Variants in FRYL observed in about 807,000 individuals in gnomAD.
The protein encoded by FRYL is FRY like transcription coactivator.
A neutral mutation model predicts 351.2 loss-of-function variants in FRYL; 150 were observed. That is an observed-to-expected ratio of 0.43 (90% CI 0.37 to 0.49). The LOEUF is 0.49. Among genes scored for constraint, FRYL ranks in the 20% least tolerant of loss-of-function variants. FRYL has a pLI of 0.00. For synonymous variants in FRYL, 1,153 were observed against 1,257.1 expected (o/e 0.92, Z 1.75); for missense variants, 3,036 against 3,619.3 (o/e 0.84, Z 4.13).
intron 1 of FRYL, among the ~76,000 whole-genome samples, chr4:48,768,424 T>C (rs1775177551): frequency 6.6e-6 from 1 of 152,208 alleles, no homozygotes; most frequent in South Asian, 2.1e-4. Flanking sequence ...AGTGATTATT[T>C]TGTAAAACAT....
chr4:48,607,566 A>G (rs928618513), intron 9 of FRYL, among the ~76,000 whole-genome samples: 1 of 152,110 alleles, frequency 6.6e-6, no homozygotes, highest in Non-Finnish European at 1.5e-5. Flanking sequence ...GTCACTACAA[A>G]CCAAGAAAAT....
intron 49 of FRYL, 144 bp downstream of exon 49, chr4:48,534,401 T>C (rs982050323): frequency 4.5e-6 from 3 of 659,370 alleles, no homozygotes; most frequent in Non-Finnish European, 7.8e-6. Flanking sequence ...TTGAGAACAT[T>C]TTCCATACTG....
At chr4:48,719,719 G>A (rs1230833653) in intron 1 of FRYL, among the ~76,000 whole-genome samples, 4 of 151,544 alleles carry the variant, frequency 2.6e-5, no homozygotes, top group Non-Finnish European at 5.9e-5. Context: ...TTCATTTTGT[G>A]GGACTCTCAC....
chr4:48,687,495 G>T (rs1266641499), intron 2 of FRYL, among the ~76,000 whole-genome samples: 2 of 11,926 alleles, frequency 1.7e-4, no homozygotes, highest in African/African-American at 3.5e-4. Flanking sequence ...ATGAGGTCGG[G>T]GGGGGGGGGG....
chr4:48,668,640 C>T (rs1243863588), intron 3 of FRYL, among the ~76,000 whole-genome samples: 2 of 152,194 alleles, frequency 1.3e-5, no homozygotes, highest in Non-Finnish European at 2.9e-5. Context: ...GGGGTACCCA[C>T]AAAAGTCAGA....
intron 50 of FRYL, among the ~76,000 whole-genome samples, chr4:48,530,661 G>A (rs908056448): frequency 6.6e-6 from 1 of 152,024 alleles, no homozygotes; most frequent in African/African-American, 2.4e-5. Flanking sequence ...GGTACTAGTT[G>A]GAAGTGTCTG....
At chr4:48,629,369 G>A (rs1253393475) in intron 4 of FRYL, among the ~76,000 whole-genome samples, 1 of 152,152 alleles carries the variant, frequency 6.6e-6, no homozygotes, top group Admixed American at 6.5e-5. Context: ...TGGGAGAGGA[G>A]GTGAAAAGCA....
Position 48,547,223 on chromosome 4 carries a change from A to C in FRYL, c.5074+361T>G, listed in dbSNP as rs551859586. On this transcript the variant is annotated intron_variant, in intron 41 of 63. Transcript: ENST00000358350. ...GTAAATATAATCACGAGAATAACAA[A>C]ATTTAAAATGCCTTACTTTATCAGT... Among the ~76,000 whole-genome samples, 50 of 152,322 alleles carry C rather than the reference A, an allele frequency of 3.3e-4. 1 individual carries two copies. The South Asian group carries it at 0.01, about 31-fold the overall frequency.
rs1291257351 is a variant in FRYL, at chr4:48,547,641, T to TA, written c.5016dup (p.Asn1673Ter). ...TTGACTGTAAGCACCCTGGGCTCAT[T>TA]AAACTCCTTGTTCCTGAGAAGGACA... On this transcript the variant is annotated frameshift_variant, in exon 41 of 64. Transcript: ENST00000358350. LOFTEE classifies it high-confidence loss of function. 6.2e-7 allele frequency: 1 copy of TA among 1,606,948 alleles called. No homozygotes were observed. The highest frequency in any genetic ancestry group is 8.5e-7 in the Non-Finnish European group (1 of 1,175,134).
At position 48,742,990 on chromosome 4, in the gene FRYL, T is replaced by A. The variant is rs1355883157; in HGVS notation, c.-383-32292A>T. Among the ~76,000 whole-genome samples the A allele has an allele frequency of 5.7e-5, 8 of 140,910 alleles. No homozygotes were observed. In the South Asian group the frequency reaches 7.0e-4, roughly 12 times the overall value. The allele number at this position is 140,910 out of a possible 152,430, so 92.4% of individuals were successfully genotyped here. A position where few individuals can be genotyped will look rare whatever the true frequency, so the allele number is the denominator to read the frequency against. On this transcript the variant is annotated intron_variant, in intron 1 of 63. Coordinates refer to ENST00000358350, the MANE Select transcript of FRYL (RefSeq NM_015030.2). ...CCTGGATAATTTTTTTTTTTTTTTTTTTTTTTTTACTAGAGACAGAGTTTC... is the reference window on the plus strand; with the variant it reads ...CCTGGATAATTTTTTTTTTTTTTTTATTTTTTTTACTAGAGACAGAGTTTC...
At chr4:48,685,563 A>G (rs1765063381) in intron 2 of FRYL, among the ~76,000 whole-genome samples, 1 of 152,218 alleles carries the variant, frequency 6.6e-6, no homozygotes, top group Admixed American at 6.5e-5. Context: ...ACATCTACAG[A>G]TAACATTTGG....
At chr4:48,702,048 T>C (rs1403844765) in intron 2 of FRYL, among the ~76,000 whole-genome samples, 1 of 152,180 alleles carries the variant, frequency 6.6e-6, no homozygotes, top group African/African-American at 2.4e-5. Flanking sequence ...TTTATAAAAT[T>C]ATACTTGAGA....
At chr4:48,615,695 TA>T (rs1479275889) in intron 7 of FRYL, among the ~76,000 whole-genome samples, 2 of 152,236 alleles carry the variant, frequency 1.3e-5, no homozygotes, top group African/African-American at 4.8e-5. Flanking sequence ...TCCCACTACT[TA>T]ATTTCATCAT....
chr4:48,713,100 G>A (rs557506640), intron 1 of FRYL, among the ~76,000 whole-genome samples: 186 of 151,914 alleles, frequency 1.2e-3, no homozygotes, highest in African/African-American at 4.4e-3. Flanking sequence ...GGAAAGGAAC[G>A]ACCGGTACCA....
At chr4:48,537,750 CGAT>C (rs761027667) in intron 47 of FRYL, among the ~76,000 whole-genome samples, 11 of 152,150 alleles carry the variant, frequency 7.2e-5, no homozygotes, top group Non-Finnish European at 1.3e-4. Context: ...ACTGTGGTCA[CGAT>C]ATCAGCAGCT....
At chr4:48,684,382 C>T (rs1208429400) in intron 3 of FRYL, among the ~76,000 whole-genome samples, 1 of 152,094 alleles carries the variant, frequency 6.6e-6, no homozygotes, top group East Asian at 1.9e-4. Context: ...GTGTTGATTG[C>T]TAACAAACAT....
At chr4:48,586,836 A>C in intron 18 of FRYL, 108 bp from the exon 19 acceptor site, 1 of 651,826 alleles carries the variant, frequency 1.5e-6, no homozygotes, top group Non-Finnish European at 2.6e-6. Context: ...CTAAAGTTCA[A>C]TGTATTTAAT....
At chr4:48,594,151 C>T in intron 15 of FRYL, 135 bp from the exon 16 acceptor site, 2 of 467,186 alleles carry the variant, frequency 4.3e-6, no homozygotes, top group Non-Finnish European at 7.6e-6. Context: ...AAGAAAAATA[C>T]ATATGAATTA....
chr4:48,684,096 T>A, intron 3 of FRYL, among the ~76,000 whole-genome samples: 1 of 152,146 alleles, frequency 6.6e-6, no homozygotes, highest in East Asian at 1.9e-4. Context: ...GGGGTTAAGG[T>A]AATAGGGATA....
Sources: gnomAD v4.1 joint callset for allele counts (sites outside exome capture counted in the v4.1 genomes callset) on GRCh38, gnomAD v4.1.1 for gene constraint, MANE v1.5 for transcripts, NCBI Gene and HGNC (gene_info 2026-07-23, HGNC 2026-07-21) for gene names.